The following ASTN2 variants were observed in gnomAD, a reference collection of about 807,000 sequenced individuals.
ASTN2 encodes the protein astrotactin-2.
Under a neutral mutation model 139.8 loss-of-function variants are expected in ASTN2, and 54 were observed. The ratio of observed to expected loss-of-function variants is 0.39; its 90% CI spans 0.31 to 0.48. ASTN2 has a LOEUF of 0.48. ASTN2 is among the 20% of genes least tolerant of loss of function. The pLI, the probability that ASTN2 is intolerant of heterozygous loss-of-function variation, is 0.95. For missense variants in ASTN2, 1,565 were observed against 1,725.1 expected, an observed-to-expected ratio of 0.91 and a Z score of 1.64; for synonymous variants, 756 against 719.5, an observed-to-expected ratio of 1.05 and a Z score of -0.81.
intron 5 of ASTN2, among the ~76,000 whole-genome samples, chr9:117,060,502 A>G (rs182598734): frequency 0.025 from 1,775 of 72,078 alleles, 203 homozygotes; most frequent in East Asian, 0.071. Flanking sequence ...AGAAAGAAAG[A>G]AAGAAAGAAA....
chr9:117,303,437 C>T (rs894973931), intron 1 of ASTN2, among the ~76,000 whole-genome samples: 9 of 152,148 alleles, frequency 5.9e-5, no homozygotes, highest in African/African-American at 2.2e-4. Flanking sequence ...AGACTAAGCA[C>T]ACCTTGTTTT....
chr9:117,208,880 C>A (rs1832025509), intron 3 of ASTN2, among the ~76,000 whole-genome samples: 1 of 152,108 alleles, frequency 6.6e-6, no homozygotes, highest in African/African-American at 2.4e-5. Context: ...GCAAAGTTAT[C>A]CTTCAGAAAT....
chr9:117,092,485 C>T (rs1281410870), intron 5 of ASTN2, among the ~76,000 whole-genome samples: 1 of 152,066 alleles, frequency 6.6e-6, no homozygotes, highest in East Asian at 1.9e-4. Flanking sequence ...ACAGATAGCC[C>T]CAAAGACTCA....
intron 17 of ASTN2, among the ~76,000 whole-genome samples, chr9:116,635,476 AATCT>A (rs1315574473): frequency 1.3e-5 from 2 of 152,180 alleles, no homozygotes; most frequent in South Asian, 2.1e-4. Context: ...TAAGCAAATA[AATCT>A]ATCTATATTT....
chr9:117,384,183 T>A (rs7868942), intron 1 of ASTN2, among the ~76,000 whole-genome samples: 54,717 of 152,056 alleles, frequency 0.36, 10,548 homozygotes, highest in Non-Finnish European at 0.44. Flanking sequence ...GCAGGCAGTG[T>A]GGCCATATAG....
At chr9:117,190,112 T>G (rs1039975319) in intron 3 of ASTN2, among the ~76,000 whole-genome samples, 6 of 152,150 alleles carry the variant, frequency 3.9e-5, no homozygotes, top group Admixed American at 3.9e-4. Context: ...GTGTTCCTGA[T>G]GAAGTAGAGA....
chr9:116,668,002 G>C (rs1376555638), intron 16 of ASTN2, among the ~76,000 whole-genome samples: 1 of 152,086 alleles, frequency 6.6e-6, no homozygotes, highest in Non-Finnish European at 1.5e-5. Context: ...ATAATGACAT[G>C]TATCTACCAC....
chr9:116,587,685 G>A (rs993265386), intron 19 of ASTN2, among the ~76,000 whole-genome samples: 36 of 152,256 alleles, frequency 2.4e-4, no homozygotes, highest in African/African-American at 8.7e-4. Context: ...CTTCTTACTA[G>A]TTATATGTCC....
intron 14 of ASTN2, among the ~76,000 whole-genome samples, chr9:116,732,201 A>G (rs913182315): frequency 6.6e-6 from 1 of 152,170 alleles, no homozygotes; most frequent in African/African-American, 2.4e-5. Context: ...TGACATGACT[A>G]TAGACTAGCC....
chr9:116,479,245 C>T (rs1849091114), intron 20 of ASTN2, among the ~76,000 whole-genome samples: 1 of 152,146 alleles, frequency 6.6e-6, no homozygotes, highest in Non-Finnish European at 1.5e-5. Flanking sequence ...GACTTTCATG[C>T]TGTTTCCAGT....
intron 2 of ASTN2, among the ~76,000 whole-genome samples, chr9:117,229,272 A>G (rs1462050345): frequency 6.6e-6 from 1 of 152,120 alleles, no homozygotes; most frequent in African/African-American, 2.4e-5. Flanking sequence ...AAGCCCTACC[A>G]TGAGTGCTGA....
intron 16 of ASTN2, among the ~76,000 whole-genome samples, chr9:116,665,016 T>A (rs762642322): frequency 1.3e-5 from 2 of 152,102 alleles, no homozygotes; most frequent in Non-Finnish European, 2.9e-5. Flanking sequence ...AGCTGATTGT[T>A]AAAAAGTCTG....
chr9:116,482,358 C>T (rs980965682), intron 20 of ASTN2, among the ~76,000 whole-genome samples: 17 of 152,052 alleles, frequency 1.1e-4, no homozygotes, highest in African/African-American at 4.1e-4. Flanking sequence ...AAAAACACTA[C>T]CCTATCTCTA....
chr9:116,790,929 T>TGAAAGAAAGAAAGAAAGAAA lies in ASTN2; in HGVS notation c.2396+14683_2396+14702dup, dbSNP rs758357999. Among the ~76,000 whole-genome samples, 675 of 91,038 alleles carry TGAAAGAAAGAAAGAAAGAAA rather than the reference T, an allele frequency of 7.4e-3. 41 individuals are homozygous for TGAAAGAAAGAAAGAAAGAAA. The highest frequency in any genetic ancestry group is 0.014 in the Middle Eastern group (2 of 148). The allele number at this position is 91,038 out of a possible 152,430, so 59.7% of individuals were successfully genotyped here. A position where few individuals can be genotyped will look rare whatever the true frequency, so the allele number is the denominator to read the frequency against. ...AAAGAAAGAGAAAGAAAGGAAGGAATGAAAGAAAGAAAGAAAGAAAGAAAG... is the reference window on the plus strand; with the variant it reads ...AAAGAAAGAGAAAGAAAGGAAGGAATGAAAGAAAGAAAGAAAGAAAGAAAGAAAGAAAGAAAGAAAGAAAG... On this transcript the variant is annotated intron_variant, in intron 13 of 22. Transcript: ENST00000313400.
At chr9:116,552,894 T>C (rs1852417260) in intron 19 of ASTN2, among the ~76,000 whole-genome samples, 1 of 152,192 alleles carries the variant, frequency 6.6e-6, no homozygotes, top group African/African-American at 2.4e-5. Context: ...TTTTATGGCT[T>C]ACAGTGGAAA....
At chr9:116,674,824 A>G (rs544586363) in intron 16 of ASTN2, among the ~76,000 whole-genome samples, 14 of 152,204 alleles carry the variant, frequency 9.2e-5, no homozygotes, top group Admixed American at 1.3e-4. Flanking sequence ...TCCCTGACCA[A>G]TCAGCACTCC....
intron 1 of ASTN2, among the ~76,000 whole-genome samples, chr9:117,347,532 A>G (rs1023494927): frequency 2.6e-5 from 4 of 152,076 alleles, no homozygotes; most frequent in Non-Finnish European, 5.9e-5. Flanking sequence ...GTTCAGAGAG[A>G]TTAAGAGTTT....
rs144959104 is a variant in ASTN2 at position 117,157,799 on chromosome 9, C to A, written c.1016-16321G>T. Reference sequence around the variant, plus strand: ...AGCGAATGACCCCATCGTGATGAGGCTTAAATGCCAAGCTACACATTTGAA... The same window carrying A: ...AGCGAATGACCCCATCGTGATGAGGATTAAATGCCAAGCTACACATTTGAA... On this transcript the variant is annotated intron_variant, in intron 3 of 22. Coordinates refer to ENST00000313400, the MANE Select transcript of ASTN2 (RefSeq NM_001365068.1). Among the ~76,000 whole-genome samples, 787 of 152,040 alleles carry A rather than the reference C, an allele frequency of 5.2e-3. 7 individuals are homozygous for A. The highest frequency in any genetic ancestry group is 0.024 in the Middle Eastern group (7 of 292).
intron 10 of ASTN2, among the ~76,000 whole-genome samples, chr9:116,951,048 G>A (rs984516991): frequency 6.6e-5 from 10 of 152,258 alleles, no homozygotes; most frequent in African/African-American, 2.4e-4. Flanking sequence ...AAGAGATAGA[G>A]AGAACTAGGC....
Sources: gnomAD v4.1 joint callset for allele counts (sites outside exome capture counted in the v4.1 genomes callset) on GRCh38, gnomAD v4.1.1 for gene constraint, MANE v1.5 for transcripts, NCBI Gene and HGNC (gene_info 2026-07-23, HGNC 2026-07-21) for gene names.